DENND1B: variants seen among roughly 807,000 people sequenced by gnomAD.
The protein encoded by DENND1B is DENN domain-containing protein 1B.
DENND1B carries 59 observed loss-of-function variants against 90.1 expected under a neutral mutation model. That is an observed-to-expected ratio of 0.65 (90% CI 0.53 to 0.81). The LOEUF is 0.81. Ranked by LOEUF, DENND1B falls within the 40% of genes least tolerant of loss-of-function variation. DENND1B has a pLI of 0.00. For missense variants in DENND1B, 862 were observed against 912.6 expected (o/e 0.94, Z 0.71); for synonymous variants, 337 against 324.6 (o/e 1.04, Z -0.41).
chr1:197,637,736 T>C (rs762674842), intron 10 of DENND1B, among the ~76,000 whole-genome samples: 7 of 152,152 alleles, frequency 4.6e-5, no homozygotes, highest in Non-Finnish European at 1.0e-4. Context: ...GCTTACGGGT[T>C]TGGGGAAGAA....
chr1:197,576,076 A>G (rs1013894026), intron 15 of DENND1B, among the ~76,000 whole-genome samples: 1 of 152,206 alleles, frequency 6.6e-6, no homozygotes, highest in African/African-American at 2.4e-5. Flanking sequence ...AACCTAAAGT[A>G]TAATTTAAAA....
At chr1:197,749,580 C>T (rs1009757625) in intron 2 of DENND1B, among the ~76,000 whole-genome samples, 1 of 152,036 alleles carries the variant, frequency 6.6e-6, no homozygotes, top group South Asian at 2.1e-4. Context: ...AAGACATTTT[C>T]AGATAAAATC....
intron 14 of DENND1B, among the ~76,000 whole-genome samples, chr1:197,593,638 T>C (rs1181343093): frequency 6.6e-6 from 1 of 152,048 alleles, no homozygotes; most frequent in Non-Finnish European, 1.5e-5. Context: ...AAAGATGGGA[T>C]ATTTTATTAA....
chr1:197,675,940 C>T (rs939769242), intron 3 of DENND1B, among the ~76,000 whole-genome samples: 2 of 151,954 alleles, frequency 1.3e-5, no homozygotes, highest in Non-Finnish European at 2.9e-5. Context: ...AAGCAACACA[C>T]GTGCATACAC....
intron 11 of DENND1B, among the ~76,000 whole-genome samples, chr1:197,612,312 T>C (rs1002726551): frequency 6.6e-5 from 10 of 150,702 alleles, no homozygotes; most frequent in Non-Finnish European, 1.3e-4. Context: ...ATCTTTTCCG[T>C]ATACCTCATA....
At chr1:197,522,990 C>A (rs1346328578) in intron 20 of DENND1B, among the ~76,000 whole-genome samples, 1 of 152,098 alleles carries the variant, frequency 6.6e-6, no homozygotes, top group Non-Finnish European at 1.5e-5. Flanking sequence ...AGCTCTTTTC[C>A]ATATGTAAAT....
intron 2 of DENND1B, 24 bp from the exon 3 acceptor site, chr1:197,715,098 T>C: frequency 6.2e-7 from 1 of 1,600,832 alleles, no homozygotes; most frequent in South Asian, 1.1e-5. Flanking sequence ...ACATGTATAA[T>C]TAAACAGCAG....
rs190333198 is a variant in DENND1B, at chr1:197,720,247, T to A, written c.83-5173A>T. Among the ~76,000 whole-genome samples the A allele has an allele frequency of 3.6e-4, 55 of 152,044 alleles. No homozygotes were observed. The East Asian group carries it at 7.7e-3, about 21-fold the overall frequency. ...TTTTCAAACTCATTAATTATTGTAA[T>A]TTTTTTTGAGACAGGGTCTCACTCT... On this transcript the variant is annotated intron_variant, in intron 2 of 22. Coordinates refer to ENST00000620048, the MANE Select transcript of DENND1B (RefSeq NM_001195215.2).
chr1:197,522,177 A>G (rs1668823767), intron 20 of DENND1B, among the ~76,000 whole-genome samples: 1 of 152,094 alleles, frequency 6.6e-6, no homozygotes, highest in Non-Finnish European at 1.5e-5. Flanking sequence ...GTCAGGATGA[A>G]GAGACAAGAG....
intron 7 of DENND1B, among the ~76,000 whole-genome samples, chr1:197,651,371 T>C (rs1653147992): frequency 6.6e-6 from 1 of 152,088 alleles, no homozygotes; most frequent in Non-Finnish European, 1.5e-5. Context: ...CGTTAAAAGT[T>C]TCAATAGTAC....
chr1:197,691,452 C>T (rs1657871048), intron 3 of DENND1B, among the ~76,000 whole-genome samples: 1 of 151,578 alleles, frequency 6.6e-6, no homozygotes, highest in Non-Finnish European at 1.5e-5. Context: ...ACCAAATAAA[C>T]AAACAAACAA....
upstream of DENND1B, among the ~76,000 whole-genome samples, chr1:197,776,518 C>T (rs1657275919): frequency 6.6e-6 from 1 of 152,168 alleles, no homozygotes; most frequent in Admixed American, 6.5e-5. Context: ...ACCCTTGACA[C>T]ATAGCCACAG....
At chr1:197,552,414 A>G (rs1188189075) in intron 16 of DENND1B, 7 of 985,516 alleles carry the variant, frequency 7.1e-6, no homozygotes, top group Non-Finnish European at 8.4e-6. Context: ...TCGTGCAAAA[A>G]TATCAGTTTG....
At chr1:197,634,850 G>A (rs1465400216) in intron 10 of DENND1B, among the ~76,000 whole-genome samples, 1 of 152,170 alleles carries the variant, frequency 6.6e-6, no homozygotes, top group Admixed American at 6.6e-5. Flanking sequence ...AATTTGCCAG[G>A]CACAGAGGCA....
intron 2 of DENND1B, among the ~76,000 whole-genome samples, chr1:197,751,798 C>T (rs1438795463): frequency 1.4e-5 from 2 of 147,612 alleles, no homozygotes; most frequent in East Asian, 2.1e-4. Flanking sequence ...GAGCCAAGAT[C>T]GTGCCACTAC....
chr1:197,762,288 A>G (rs933410393), intron 2 of DENND1B, among the ~76,000 whole-genome samples: 2 of 151,142 alleles, frequency 1.3e-5, no homozygotes, highest in Non-Finnish European at 2.9e-5. Context: ...TTTTTTTGAG[A>G]CGGAGTCTCG....
intron 2 of DENND1B, among the ~76,000 whole-genome samples, chr1:197,731,706 C>T (rs1475895745): frequency 6.6e-6 from 1 of 151,096 alleles, no homozygotes; most frequent in African/African-American, 2.4e-5. Flanking sequence ...AGCTGATGAG[C>T]AAAAAAAAGG....
intron 5 of DENND1B, among the ~76,000 whole-genome samples, chr1:197,663,439 G>A (rs576284011): frequency 6.6e-6 from 1 of 152,222 alleles, no homozygotes; most frequent in East Asian, 1.9e-4. Context: ...GACATTTTCT[G>A]TTGTAAATAA....
upstream of DENND1B, among the ~76,000 whole-genome samples, chr1:197,779,596 A>G (rs1332148615): frequency 6.6e-6 from 1 of 151,938 alleles, no homozygotes; most frequent in African/African-American, 2.4e-5. Flanking sequence ...TGTATTCTGG[A>G]AAATTTCAAA....
Sources: allele counts gnomAD v4.1 joint callset (sites outside exome capture counted in the v4.1 genomes callset), GRCh38; gene constraint gnomAD v4.1.1; transcripts MANE v1.5; gene names NCBI Gene and HGNC (gene_info 2026-07-23, HGNC 2026-07-21).